Variants in GMNC observed in about 807,000 individuals in gnomAD.
The protein encoded by GMNC is geminin coiled-coil domain containing.
GMNC carries 16 observed loss-of-function variants against 33.6 expected under a neutral mutation model. That is an observed-to-expected ratio of 0.48 (90% CI 0.32 to 0.72). The LOEUF is 0.72. Among genes scored for constraint, GMNC ranks in the 30% least tolerant of loss-of-function variants. The pLI, the probability that GMNC is intolerant of heterozygous loss-of-function variation, is 0.03. For synonymous variants in GMNC, 156 were observed against 147.3 expected (o/e 1.06, Z -0.43); for missense variants, 393 against 388.9 (o/e 1.01, Z -0.09).
At position 190,855,178 on chromosome 3, in the gene GMNC, A is replaced by G. The variant is rs1737703596; in HGVS notation, c.*117T>C. 1 of 1,009,130 alleles carries G rather than the reference A, an allele frequency of 9.9e-7. No individual in the cohort carries two copies. Among genetic ancestry groups the G allele is most frequent in the Non-Finnish European group, 1.4e-6 (1 of 701,532 alleles). The allele number at this position is 1,009,130 out of a possible 1,614,324, so 62.5% of individuals were successfully genotyped here. On this transcript the variant is annotated 3_prime_UTR_variant, in exon 5 of 5. Transcript: ENST00000442080. Reference sequence around the variant, plus strand: ...AGTGGGTAATTGAGAGTGACATTTAAAGTGGCAGGAGACAGTCTAAGCAAC... The same window carrying G: ...AGTGGGTAATTGAGAGTGACATTTAGAGTGGCAGGAGACAGTCTAAGCAAC...
downstream of GMNC, among the ~76,000 whole-genome samples, chr3:190,851,718 CAGAATAAA>C (rs552688861): frequency 5.3e-5 from 8 of 152,080 alleles, no homozygotes; most frequent in Non-Finnish European, 8.8e-5. Context: ...ACAAAATTTA[CAGAATAAA>C]TGGGTACAGA....
rs772537968 is a variant in GMNC at position 190,860,875 on chromosome 3, G to C, written c.4-17C>G. The C allele has an allele frequency of 1.3e-6, 2 of 1,522,642 alleles. No homozygotes were observed. Among genetic ancestry groups the C allele is most frequent in the Admixed American group, 4.0e-5 (2 of 50,390 alleles). 94.3% of individuals were successfully genotyped at this position (1,522,642 alleles called of 1,614,324 possible). On this transcript the variant is annotated splice_polypyrimidine_tract_variant and intron_variant, in intron 1 of 4. Coordinates refer to ENST00000442080, the MANE Select transcript of GMNC (RefSeq NM_001146686.3). ...AATGGTGTTCTGTGAAATTCAGTAT[G>C]GGGGGAGTGAGGGGTCCCAAAAGAT...
rs1021225124 is a variant in GMNC at position 190,853,333 on chromosome 3, A to G, written c.*1962T>C. 1 of 152,132 alleles carries G rather than the reference A, an allele frequency of 6.6e-6. No individual in the cohort carries two copies. The highest frequency in any genetic ancestry group is 1.5e-5 in the Non-Finnish European group (1 of 67,998). The allele number at this position is 152,132 out of a possible 1,614,324, so 9.4% of individuals were successfully genotyped here. A position where few individuals can be genotyped will look rare whatever the true frequency, so the allele number is the denominator to read the frequency against. On this transcript the variant is annotated 3_prime_UTR_variant, in exon 5 of 5. Transcript: ENST00000442080. ...TTCGAATCCTTAAATCTCTTATTCT[A>G]AAAAGCGACAAATTTCACCGACCAG...
At chr3:190,847,969 C>T (rs1477454011), downstream of GMNC, among the ~76,000 whole-genome samples, 1 of 152,182 alleles carries the variant, frequency 6.6e-6, no homozygotes, top group Non-Finnish European at 1.5e-5. Context: ...TCAAGAACAG[C>T]TGGTAATTTT....
At chr3:190,859,098 A>G in intron 2 of GMNC, 82 bp from the exon 3 acceptor site, 2 of 823,128 alleles carry the variant, frequency 2.4e-6, no homozygotes, top group Non-Finnish European at 3.9e-6. Flanking sequence ...CAAATCAGAA[A>G]GTTTAATAGG....
In GMNC at chr3:190,861,584, G is replaced by A. The variant is rs545029034; in HGVS notation, c.4-726C>T. 3.7e-4 allele frequency among the ~76,000 whole-genome samples: 57 copies of A among 152,154 alleles called. No homozygotes were observed. The highest frequency in any genetic ancestry group is 1.3e-3 in the Admixed American group (20 of 15,288). ...GACCACAAAGCTGCTCCAAGTAAAC[G>A]TATAATCAAAGCTGAAAGAAGTTCG... On this transcript the variant is annotated intron_variant, in intron 1 of 4. Coordinates refer to ENST00000442080, the MANE Select transcript of GMNC (RefSeq NM_001146686.3). The surrounding 1 kb of genome is among the most constrained non-coding windows in gnomAD (Gnocchi z 5.1).
At chr3:190,848,977 A>G (rs1737592357), downstream of GMNC, among the ~76,000 whole-genome samples, 1 of 152,184 alleles carries the variant, frequency 6.6e-6, no homozygotes. Flanking sequence ...TACATATTAA[A>G]TGGTCTTCCA....
chr3:190,857,361 T>C (rs552415257), intron 4 of GMNC, among the ~76,000 whole-genome samples: 1 of 152,166 alleles, frequency 6.6e-6, no homozygotes, highest in South Asian at 2.1e-4. Flanking sequence ...TTAAAAGATA[T>C]TTTAGACCAT....
At position 190,855,903 on chromosome 3, in the gene GMNC, A is replaced by C; in HGVS notation, c.397T>G (p.Ser133Ala). The change falls in exon 5 of 5, where the codon TCT (serine) becomes GCT (alanine). Residue 133 changes from serine to alanine, a missense_variant. By Grantham distance (99) the Ser-to-Ala change is moderately conservative. Transcript: ENST00000442080. The part of the protein sequence containing the change: ...LEEKAKKLLS[S>A]DEFSKAYGKF... ...CCATATGCTTTGGAGAACTCATCAGATGAGAGCAATTTCTAGGGAAGTGAT... is the reference window on the plus strand; with the variant it reads ...CCATATGCTTTGGAGAACTCATCAGCTGAGAGCAATTTCTAGGGAAGTGAT... The C allele has an allele frequency of 6.5e-7, 1 of 1,541,336 alleles. No homozygotes were observed. The highest frequency in any genetic ancestry group is 8.8e-7 in the Non-Finnish European group (1 of 1,141,014).
chr3:190,844,025 T>C, the GMNC span, among the ~76,000 whole-genome samples: 3 of 152,222 alleles, frequency 2.0e-5, no homozygotes, highest in Non-Finnish European at 4.4e-5. Context: ...TGGTTACTTC[T>C]TATAGTTTAA....
chr3:190,851,814 G>T (rs1438337435), downstream of GMNC, among the ~76,000 whole-genome samples: 1 of 151,788 alleles, frequency 6.6e-6, no homozygotes, highest in East Asian at 1.9e-4. Context: ...TTAAGTTTTT[G>T]TGATTATTTA....
the GMNC span, among the ~76,000 whole-genome samples, chr3:190,847,628 C>T: frequency 6.6e-6 from 1 of 152,128 alleles, no homozygotes; most frequent in Non-Finnish European, 1.5e-5. Flanking sequence ...GGATCCAGGT[C>T]ATGTTGCTGC....
intron 2 of GMNC, among the ~76,000 whole-genome samples, chr3:190,859,560 T>C (rs1737817562): frequency 6.6e-6 from 1 of 152,232 alleles, no homozygotes; most frequent in Non-Finnish European, 1.5e-5. Context: ...CTTTCTACTT[T>C]AAAACAATTT....
chr3:190,845,699 A>G, the GMNC span, among the ~76,000 whole-genome samples: 17 of 151,558 alleles, frequency 1.1e-4, no homozygotes, highest in Admixed American at 2.6e-4. Context: ...TAGTAAGGAC[A>G]TGGTTTCACC....
At chr3:190,849,263 G>T (rs748057990), downstream of GMNC, among the ~76,000 whole-genome samples, 7 of 152,184 alleles carry the variant, frequency 4.6e-5, no homozygotes, top group Non-Finnish European at 1.0e-4. Flanking sequence ...AATTCCCCAA[G>T]GAGGCTGAGA....
rs1396266988 is a variant in GMNC, at chr3:190,860,782, G to A, written c.80C>T (p.Ser27Leu). The change falls in exon 2 of 5, where the codon TCA becomes TTA. Residue 27 changes from serine (S) to leucine (L), a missense_variant. Coordinates refer to ENST00000442080, the MANE Select transcript of GMNC (RefSeq NM_001146686.3). ...SYNCPYSTTT[S>L]ESSVDVSTET... ...CGTGGAAACGTCAACACTAGATTCT[G>A]ACGTTGTAGTGGAATACGGGCAATT... is the stretch of plus-strand genomic sequence containing the variant. 6.4e-7 allele frequency: 1 copy of A among 1,551,520 alleles called. No homozygotes were observed. Among genetic ancestry groups the A allele is most frequent in the Middle Eastern group, 1.7e-4 (1 of 5,978 alleles).
intron 2 of GMNC, among the ~76,000 whole-genome samples, chr3:190,859,553 T>C (rs982185093): frequency 4.6e-5 from 7 of 152,236 alleles, no homozygotes; most frequent in African/African-American, 1.4e-4. Context: ...GGTAGCACTT[T>C]CTACTTTAAA....
chr3:190,855,830 G>A lies in GMNC; in HGVS notation c.470C>T (p.Pro157Leu), dbSNP rs201215776. The change falls in exon 5 of 5, where the codon CCT becomes CTT. Residue 157 changes from proline to leucine, a missense_variant. Physicochemically the swap from Pro to Leu is moderately conservative, Grantham distance 98. Coordinates refer to ENST00000442080, the MANE Select transcript of GMNC (RefSeq NM_001146686.3). ...ATTTTTGGGATGGGGAATCTCAGCA[G>A]GAGAGTATCTTTGCTCTTTGGATTT... ...KRKSKEQRYS[P>L]AEIPHPKNAK... 218 of 1,550,984 alleles carry A rather than the reference G, an allele frequency of 1.4e-4. No individual in the cohort carries two copies. Among genetic ancestry groups the A allele is most frequent in the Non-Finnish European group, 1.8e-4 (204 of 1,146,542 alleles).
chr3:190,850,823 AC>A (rs1260605650), downstream of GMNC, among the ~76,000 whole-genome samples: 24 of 152,208 alleles, frequency 1.6e-4, no homozygotes, highest in Non-Finnish European at 1.5e-5. Context: ...GGCCCATATA[AC>A]ACTTAGAACC....
Sources: gnomAD v4.1 joint callset for allele counts (sites outside exome capture counted in the v4.1 genomes callset) on GRCh38, gnomAD v4.1.1 for gene constraint, Gnocchi (gnomAD v3.1) non-coding constraint, MANE v1.5 for transcripts, NCBI Gene and HGNC (gene_info 2026-07-23, HGNC 2026-07-21) for gene names.